Variants in PDE8A observed in about 807,000 individuals in gnomAD.
PDE8A encodes the protein phosphodiesterase 8A, also known as high affinity cAMP-specific and IBMX-insensitive 3',5'-cyclic phosphodiesterase 8A.
Under a neutral mutation model 105.0 loss-of-function variants are expected in PDE8A, and 59 were observed. The observed-to-expected ratio is 0.56, with a 90% CI of 0.46 to 0.70. The LOEUF (loss-of-function observed/expected upper bound fraction) is 0.70, where lower values mean the gene tolerates loss of function less well. Ranked by LOEUF, PDE8A falls within the 30% of genes least tolerant of loss-of-function variation. The pLI is 0.00. For missense variants in PDE8A, 1,014 were observed against 1,045.9 expected (o/e 0.97, Z 0.42); for synonymous variants, 355 against 371.9 (o/e 0.95, Z 0.52).
At chr15:85,010,783 G>T (rs1420224589) in intron 1 of PDE8A, among the ~76,000 whole-genome samples, 1 of 152,168 alleles carries the variant, frequency 6.6e-6, no homozygotes, top group Non-Finnish European at 1.5e-5. Context: ...TGAGATAATA[G>T]TGACTTTAAT....
intron 20 of PDE8A, among the ~76,000 whole-genome samples, chr15:85,132,007 C>T (rs1463654085): frequency 2.6e-5 from 4 of 152,142 alleles, no homozygotes; most frequent in Non-Finnish European, 4.4e-5. Context: ...TTGCTGCTTT[C>T]GAGATCCTCT....
chr15:85,049,757 T>A (rs1334632667), intron 1 of PDE8A, among the ~76,000 whole-genome samples: 1 of 152,210 alleles, frequency 6.6e-6, no homozygotes, highest in Non-Finnish European at 1.5e-5. Flanking sequence ...GCTGTTTTCA[T>A]GTTTTAGAAA....
At chr15:85,003,565 A>C (rs1470849650) in intron 1 of PDE8A, among the ~76,000 whole-genome samples, 1 of 152,214 alleles carries the variant, frequency 6.6e-6, no homozygotes, top group Non-Finnish European at 1.5e-5. Context: ...CCAAGGCCCC[A>C]AAACGCTTTT....
chr15:84,996,518 A>T (rs2079978664), intron 1 of PDE8A, among the ~76,000 whole-genome samples: 1 of 152,058 alleles, frequency 6.6e-6, no homozygotes, highest in Non-Finnish European at 1.5e-5. Context: ...GTATAATAAA[A>T]ATACAGTATA....
At chr15:85,120,580 T>G in intron 17 of PDE8A, 1 of 459,560 alleles carries the variant, frequency 2.2e-6, no homozygotes. Context: ...ACACCTGTAT[T>G]TTGGTAAGTC....
intron 1 of PDE8A, among the ~76,000 whole-genome samples, chr15:85,052,112 G>A (rs890439511): frequency 6.6e-6 from 1 of 152,084 alleles, no homozygotes; most frequent in Non-Finnish European, 1.5e-5. Context: ...TCAGAATGAT[G>A]GTTTCCAGCT....
At chr15:85,058,665 C>G (rs1013530423) in intron 1 of PDE8A, among the ~76,000 whole-genome samples, 1 of 152,098 alleles carries the variant, frequency 6.6e-6, no homozygotes, top group African/African-American at 2.4e-5. Flanking sequence ...TCCATTTTAT[C>G]CAGATTATCC....
chr15:85,012,907 C>G (rs895768033), intron 1 of PDE8A, among the ~76,000 whole-genome samples: 3 of 152,146 alleles, frequency 2.0e-5, no homozygotes, highest in Non-Finnish European at 4.4e-5. Context: ...TATAATCACC[C>G]TCTTACTTTG....
chr15:84,997,070 A>G (rs1020911606), intron 1 of PDE8A, among the ~76,000 whole-genome samples: 1 of 152,104 alleles, frequency 6.6e-6, no homozygotes, highest in Non-Finnish European at 1.5e-5. Flanking sequence ...TTTTTACTTT[A>G]TAAAGTTTTT....
At position 85,115,497 on chromosome 15, in the gene PDE8A, TC is replaced by T. The variant is rs760418110; in HGVS notation, c.1399+12del. The T allele has an allele frequency of 3.7e-4, 530 of 1,417,328 alleles. 1 individual carries two copies. Among genetic ancestry groups the T allele is most frequent in the Non-Finnish European group, 4.8e-4 (500 of 1,039,474 alleles). 87.8% of individuals were successfully genotyped at this position (1,417,328 alleles called of 1,614,324 possible). A position where few individuals can be genotyped will look rare whatever the true frequency, so the allele number is the denominator to read the frequency against. On this transcript the variant is annotated intron_variant, in intron 15 of 21. Coordinates refer to ENST00000394553, the MANE Select transcript of PDE8A (RefSeq NM_002605.3). ...GTTCTTTCAACAAAAAGTAAGTTTT[TC>T]CTTTTTAATTTCTTAGATCACTGTC...
chr15:84,997,005 A>T lies in PDE8A; in HGVS notation c.186+14657A>T, dbSNP rs2079990202. ...TATAAACACTGTACACTTAGGCTAC[A>T]CTAAATTTGTTTTAAAAATTTTTAT... On this transcript the variant is annotated intron_variant, in intron 1 of 21. Transcript: ENST00000394553. 2.0e-5 allele frequency among the ~76,000 whole-genome samples: 3 copies of T among 152,246 alleles called. No homozygotes were observed. The South Asian group carries it at 6.2e-4, about 32-fold the overall frequency.
intron 1 of PDE8A, among the ~76,000 whole-genome samples, chr15:85,011,431 C>G (rs985956147): frequency 5.3e-5 from 8 of 152,120 alleles, no homozygotes; most frequent in Admixed American, 2.0e-4. Context: ...TTTCGGGGCC[C>G]TAGCTTTTTC....
At chr15:85,115,861 A>G (rs2082087835) in intron 15 of PDE8A, 123 bp from the exon 16 acceptor site, 2 of 813,730 alleles carry the variant, frequency 2.5e-6, no homozygotes, top group Non-Finnish European at 3.9e-6. Flanking sequence ...CGGAGGTTGC[A>G]GTGAGCTGAG....
intron 13 of PDE8A, 71 bp from the exon 14 acceptor site, chr15:85,113,802 G>T (rs923637131): frequency 1.5e-5 from 18 of 1,195,712 alleles, no homozygotes; most frequent in Non-Finnish European, 2.1e-5. Context: ...TTACAGACAC[G>T]TACTGCCATG....
intron 1 of PDE8A, among the ~76,000 whole-genome samples, chr15:84,987,721 C>T (rs1427627989): frequency 6.6e-6 from 1 of 151,940 alleles, no homozygotes; most frequent in Non-Finnish European, 1.5e-5. Flanking sequence ...AGGTGATCTG[C>T]CCACCTCGGC....
chr15:85,056,693 T>C (rs1278846812), intron 1 of PDE8A, among the ~76,000 whole-genome samples: 1 of 152,212 alleles, frequency 6.6e-6, no homozygotes, highest in Non-Finnish European at 1.5e-5. Context: ...TGCTGTTTAT[T>C]CTAGTTAGCC....
intron 11 of PDE8A, among the ~76,000 whole-genome samples, chr15:85,107,359 G>A (rs2081961849): frequency 6.6e-6 from 1 of 152,210 alleles, no homozygotes; most frequent in Admixed American, 6.5e-5. Flanking sequence ...ACAAGGATGA[G>A]CCATTGAAGT....
At chr15:85,117,532 T>TTTGCTGGG in intron 16 of PDE8A, 109 bp from the exon 17 acceptor site, 1 of 888,040 alleles carries the variant, frequency 1.1e-6, no homozygotes, top group South Asian at 1.4e-5. Flanking sequence ...CAATCTCCAC[T>TTTGCTGGG]TTGCTGCCCT....
intron 3 of PDE8A, 52 bp downstream of exon 3, chr15:85,067,256 A>C (rs751387160): frequency 7.7e-7 from 1 of 1,291,008 alleles, no homozygotes; most frequent in Non-Finnish European, 1.1e-6. Context: ...CTGACAATAC[A>C]TGCAGCCTAG....
Sources: gnomAD v4.1 joint callset for allele counts (sites outside exome capture counted in the v4.1 genomes callset) on GRCh38, gnomAD v4.1.1 for gene constraint, MANE v1.5 for transcripts, NCBI Gene and HGNC (gene_info 2026-07-23, HGNC 2026-07-21) for gene names.